Variants in GLIS3 observed in about 807,000 individuals in gnomAD.
GLIS3 encodes the protein GLIS family zinc finger 3.
Under a neutral mutation model 78.6 loss-of-function variants are expected in GLIS3, and 53 were observed. That is an observed-to-expected ratio of 0.67 (90% CI 0.54 to 0.85). GLIS3 has a LOEUF of 0.85. Ranked by LOEUF, GLIS3 falls within the 40% of genes least tolerant of loss-of-function variation. The pLI, the probability that GLIS3 is intolerant of heterozygous loss-of-function variation, is 0.00. For missense variants in GLIS3, 1,703 were observed against 1,231.1 expected, an observed-to-expected ratio of 1.38 and a Z score of -5.74; for synonymous variants, 684 against 509.9, an observed-to-expected ratio of 1.34 and a Z score of -4.60.
At chr9:4,473,194 G>C in the GLIS3 span, among the ~76,000 whole-genome samples, 2 of 152,088 alleles carry the variant, frequency 1.3e-5, no homozygotes, top group African/African-American at 4.8e-5. Flanking sequence ...TAAAGATAAT[G>C]TGATACATAT....
chr9:4,469,588 A>C, the GLIS3 span, among the ~76,000 whole-genome samples: 3 of 152,096 alleles, frequency 2.0e-5, no homozygotes, highest in Non-Finnish European at 4.4e-5. Context: ...TTGAAACCAA[A>C]CATAACAAAG....
rs1586717427 is a variant in GLIS3 at position 4,117,322 on chromosome 9, T to C, written c.1710+446A>G. 2.0e-5 allele frequency among the ~76,000 whole-genome samples: 3 copies of C among 152,182 alleles called. No individual in the cohort carries two copies. The South Asian group carries it at 6.2e-4, about 32-fold the overall frequency. On this transcript the variant is annotated intron_variant, in intron 4 of 10. Transcript: ENST00000381971. ...CAAGTTGCTAAGTGGTGAGTTCCTT[T>C]TCAAATATCAAAACCACTCTTCTCT...
intron 9 of GLIS3, among the ~76,000 whole-genome samples, chr9:3,833,808 A>G (rs1273956516): frequency 6.6e-6 from 1 of 152,190 alleles, no homozygotes. Context: ...TCAAGAATGG[A>G]GGAGTGGAGG....
chr9:3,832,169 T>C (rs1818082177), intron 9 of GLIS3, among the ~76,000 whole-genome samples: 1 of 150,562 alleles, frequency 6.6e-6, no homozygotes, highest in Non-Finnish European at 1.5e-5. Context: ...AATGAGTTAA[T>C]ACTTACATAT....
chr9:3,908,347 T>G (rs139508786), intron 6 of GLIS3, among the ~76,000 whole-genome samples: 1 of 152,328 alleles, frequency 6.6e-6, no homozygotes, highest in East Asian at 1.9e-4. Context: ...ATTGCTTGAA[T>G]CCTTTTATTC....
intron 4 of GLIS3, among the ~76,000 whole-genome samples, chr9:3,979,173 C>T (rs1215142677): frequency 6.6e-6 from 1 of 152,178 alleles, no homozygotes; most frequent in Non-Finnish European, 1.5e-5. Context: ...GGATCAGATC[C>T]TGACAAAACA....
intron 4 of GLIS3, among the ~76,000 whole-genome samples, chr9:4,032,425 C>T (rs935331595): frequency 9.9e-5 from 15 of 151,974 alleles, no homozygotes; most frequent in Admixed American, 2.6e-4. Flanking sequence ...TCACTTTCTT[C>T]TGCATAGAAT....
chr9:4,034,317 T>G (rs1380356498), intron 4 of GLIS3, among the ~76,000 whole-genome samples: 1 of 152,162 alleles, frequency 6.6e-6, no homozygotes, highest in Non-Finnish European at 1.5e-5. Context: ...AAAAGTCTGT[T>G]TCTATAATCA....
At chr9:4,233,383 G>T (rs1822442893) in intron 2 of GLIS3, among the ~76,000 whole-genome samples, 1 of 152,232 alleles carries the variant, frequency 6.6e-6, no homozygotes, top group Non-Finnish European at 1.5e-5. Flanking sequence ...CTGCAGAAGG[G>T]ATGTTGTGTT....
intron 8 of GLIS3, among the ~76,000 whole-genome samples, chr9:3,860,792 C>G (rs1300929421): frequency 1.3e-5 from 2 of 152,176 alleles, no homozygotes; most frequent in African/African-American, 2.4e-5. Context: ...TCCATGGTGA[C>G]ATTTATTCAT....
At chr9:4,213,718 G>C (rs1249870027) in intron 2 of GLIS3, among the ~76,000 whole-genome samples, 1 of 152,144 alleles carries the variant, frequency 6.6e-6, no homozygotes, top group Non-Finnish European at 1.5e-5. Flanking sequence ...GCACGTAATA[G>C]AAACTTGATA....
At chr9:4,148,548 A>G (rs140799157) in intron 2 of GLIS3, among the ~76,000 whole-genome samples, 3 of 152,010 alleles carry the variant, frequency 2.0e-5, no homozygotes, top group Non-Finnish European at 2.9e-5. Flanking sequence ...TCATGTATCT[A>G]TATCTCACCT....
At chr9:4,131,166 C>G (rs931853221) in intron 2 of GLIS3, among the ~76,000 whole-genome samples, 58 of 152,186 alleles carry the variant, frequency 3.8e-4, no homozygotes, top group African/African-American at 1.3e-3. Flanking sequence ...TCCATTGTAT[C>G]TTAGCAGTAA....
chr9:3,957,995 C>T (rs1386639247), intron 4 of GLIS3, among the ~76,000 whole-genome samples: 1 of 152,192 alleles, frequency 6.6e-6, no homozygotes, highest in African/African-American at 2.4e-5. Flanking sequence ...AGCAAAATGT[C>T]ACACTCCTAA....
chr9:3,837,176 T>C (rs1818404072), intron 9 of GLIS3, among the ~76,000 whole-genome samples: 1 of 152,204 alleles, frequency 6.6e-6, no homozygotes, highest in Non-Finnish European at 1.5e-5. Context: ...CAAGAAGCAC[T>C]GACCTGCACC....
At chr9:4,122,441 C>G (rs983208803) in intron 3 of GLIS3, among the ~76,000 whole-genome samples, 1 of 152,132 alleles carries the variant, frequency 6.6e-6, no homozygotes, top group African/African-American at 2.4e-5. Flanking sequence ...TCCTCAACCC[C>G]CTTAGCCTTC....
chr9:4,376,614 A>C, the GLIS3 span, among the ~76,000 whole-genome samples: 1 of 135,448 alleles, frequency 7.4e-6, no homozygotes, highest in Non-Finnish European at 1.7e-5. Context: ...CTAATATGCC[A>C]GTGGGTACTA....
intron 2 of GLIS3, among the ~76,000 whole-genome samples, chr9:4,244,514 C>G (rs1275901777): frequency 6.6e-6 from 1 of 152,040 alleles, no homozygotes; most frequent in Non-Finnish European, 1.5e-5. Context: ...AGGTGAACTG[C>G]TTTTTTAAAA....
chr9:4,423,809 T>A, the GLIS3 span, among the ~76,000 whole-genome samples: 4 of 152,222 alleles, frequency 2.6e-5, no homozygotes, highest in Non-Finnish European at 5.9e-5. Flanking sequence ...TTCTTGTTCA[T>A]AACATTCACA....
Sources: gnomAD v4.1 joint callset for allele counts (sites outside exome capture counted in the v4.1 genomes callset) on GRCh38, gnomAD v4.1.1 for gene constraint, MANE v1.5 for transcripts, NCBI Gene and HGNC (gene_info 2026-07-23, HGNC 2026-07-21) for gene names.